Variants in ZNF18 observed in about 807,000 individuals in gnomAD.
ZNF18 encodes heart development-specific gene 1 protein.
ZNF18 carries 42 observed loss-of-function variants against 58.1 expected under a neutral mutation model. The ratio of observed to expected loss-of-function variants is 0.72; its 90% CI spans 0.56 to 0.93. The LOEUF (loss-of-function observed/expected upper bound fraction) is 0.93. Ranked by LOEUF, ZNF18 falls within the 40% of genes least tolerant of loss-of-function variation. The pLI is 0.00. For missense variants in ZNF18, 540 were observed against 644.2 expected, an observed-to-expected ratio of 0.84 and a Z score of 1.75; for synonymous variants, 231 against 239.8, an observed-to-expected ratio of 0.96 and a Z score of 0.34.
At chr17:11,984,912 A>C (rs1342501724) in intron 4 of ZNF18, among the ~76,000 whole-genome samples, 1 of 152,202 alleles carries the variant, frequency 6.6e-6, no homozygotes, top group Admixed American at 6.5e-5. Flanking sequence ...AATTAAAATC[A>C]GGAAATTCAA....
At chr17:12,010,805 A>T in the ZNF18 span, 1 of 395,178 alleles carries the variant, frequency 2.5e-6, no homozygotes, top group Non-Finnish European at 4.7e-6. Flanking sequence ...GTTCTCACGA[A>T]GTGTGCTTTT....
At chr17:12,006,384 C>T in the ZNF18 span, among the ~76,000 whole-genome samples, 202 of 152,150 alleles carry the variant, frequency 1.3e-3, 1 homozygote, top group Middle Eastern at 6.8e-3. Flanking sequence ...CTCAATTCTC[C>T]CATTAGTAAA....
chr17:12,000,244 A>G (rs1478790845), upstream of ZNF18, among the ~76,000 whole-genome samples: 1 of 152,154 alleles, frequency 6.6e-6, no homozygotes. Flanking sequence ...CCATGAAACA[A>G]TGAGTGACAA....
intron 4 of ZNF18, 113 bp downstream of exon 4, chr17:11,990,345 TGACA>T (rs1968026071): frequency 2.6e-6 from 2 of 777,014 alleles, no homozygotes; most frequent in African/African-American, 3.5e-5. Flanking sequence ...TAACATATGG[TGACA>T]GACAGCAGAT....
rs181062053 is a variant in ZNF18, at chr17:11,996,446, G to T, written c.-83+985C>A. Among the ~76,000 whole-genome samples the T allele has an allele frequency of 2.7e-3, 413 of 152,120 alleles. 1 individual carries two copies. The highest frequency in any genetic ancestry group is 0.017 in the Middle Eastern group (5 of 294). On this transcript the variant is annotated intron_variant, in intron 1 of 6. Transcript: ENST00000580306. The stretch of plus-strand genomic sequence containing the variant: ...GAAATGACATTTTGGAAAAACTACA[G>T]ATTTTATAAAATACTTAAATCTTTT...
At chr17:11,988,688 C>T (rs1967906176) in intron 4 of ZNF18, among the ~76,000 whole-genome samples, 1 of 152,130 alleles carries the variant, frequency 6.6e-6, no homozygotes, top group Admixed American at 6.6e-5. Flanking sequence ...AAAGAATAAT[C>T]CTCGACTAAA....
At chr17:12,020,869 G>T in the ZNF18 span, 1 of 1,089,292 alleles carries the variant, frequency 9.2e-7, no homozygotes, top group South Asian at 4.6e-5. Flanking sequence ...GGCGCCGCTC[G>T]GCTCTTCACT....
At position 11,977,991 on chromosome 17, in the gene ZNF18, T is replaced by C. The variant is rs1305241881; in HGVS notation, c.1616A>G (p.Gln539Arg). 1.9e-6 allele frequency: 3 copies of C among 1,590,996 alleles called. No homozygotes were observed. The highest frequency in any genetic ancestry group is 8.6e-7 in the Non-Finnish European group (1 of 1,169,060). ...FSWSSSLDKH[Q>R]RSHLGKKPFQ ...GGGCTTCTTTCCTAAGTGGGATCTTTGATGTTTGTCAAGGCTCGAGCTCCA... is the reference window on the plus strand; with the variant it reads ...GGGCTTCTTTCCTAAGTGGGATCTTCGATGTTTGTCAAGGCTCGAGCTCCA... The change falls in exon 7 of 7, where the codon CAA becomes CGA. Residue 539 changes from glutamine to arginine, a missense_variant. Gln to Arg is a conservative substitution (Grantham distance 43, BLOSUM62 1). Transcript: ENST00000580306.
In ZNF18 at chr17:11,992,947, A is replaced by G. The variant is rs1191790440; in HGVS notation, c.-82-36T>C. The stretch of plus-strand genomic sequence containing the variant: ...AATGAGATTGAGTGCTACACAGAGG[A>G]AGGGGACACATTTTCAGAAAGAACA... On this transcript the variant is annotated intron_variant, in intron 1 of 6. Transcript: ENST00000580306. 7.0e-5 allele frequency: 83 copies of G among 1,193,390 alleles called. No homozygotes were observed. In the East Asian group the frequency reaches 2.0e-3, roughly 29 times the overall value. The allele number at this position is 1,193,390 out of a possible 1,614,324, so 73.9% of individuals were successfully genotyped here.
chr17:12,009,324 G>A, the ZNF18 span: 1 of 151,960 alleles, frequency 6.6e-6, no homozygotes, highest in African/African-American at 2.4e-5. Context: ...GACAGCCTTG[G>A]GTTCAAGGCA....
At chr17:12,019,166 G>A in the ZNF18 span, among the ~76,000 whole-genome samples, 5 of 151,950 alleles carry the variant, frequency 3.3e-5, no homozygotes, top group South Asian at 2.1e-4. Context: ...GTTTCACCAC[G>A]TTGGCCAGGC....
At chr17:11,999,389 T>C (rs967171123), upstream of ZNF18, among the ~76,000 whole-genome samples, 1 of 152,222 alleles carries the variant, frequency 6.6e-6, no homozygotes, top group Non-Finnish European at 1.5e-5. Flanking sequence ...AGAACTCTAA[T>C]CCTGGTAGAT....
At chr17:11,998,721 G>C (rs1188403970), upstream of ZNF18, among the ~76,000 whole-genome samples, 2 of 151,896 alleles carry the variant, frequency 1.3e-5, no homozygotes, top group Admixed American at 6.6e-5. Context: ...AAAGTGACCA[G>C]CGGAAAAGGG....
chr17:12,002,935 A>G, the ZNF18 span, among the ~76,000 whole-genome samples: 1 of 152,184 alleles, frequency 6.6e-6, no homozygotes, highest in East Asian at 1.9e-4. Context: ...AGACCAGAAC[A>G]GAAACCACTC....
rs760156882 is a variant in ZNF18, at chr17:11,983,455, G to A, written c.752-48C>T. On this transcript the variant is annotated intron_variant, in intron 5 of 6. Coordinates refer to ENST00000580306, the MANE Select transcript of ZNF18 (RefSeq NM_001303281.2). Reference sequence around the variant, plus strand: ...TGGGCCTGGATGAATAGGGAAGACTGGGAGCTCAAGCTGTGTCTTTCAAAG... The same window carrying A: ...TGGGCCTGGATGAATAGGGAAGACTAGGAGCTCAAGCTGTGTCTTTCAAAG... 4.8e-6 allele frequency: 7 copies of A among 1,459,120 alleles called. No individual in the cohort carries two copies. The African/African-American group carries it at 7.0e-5, about 14-fold the overall frequency. 90.4% of individuals were successfully genotyped at this position (1,459,120 alleles called of 1,614,324 possible). A position where few individuals can be genotyped will look rare whatever the true frequency, so the allele number is the denominator to read the frequency against.
chr17:12,013,196 C>A, the ZNF18 span, among the ~76,000 whole-genome samples: 1 of 152,074 alleles, frequency 6.6e-6, no homozygotes, highest in East Asian at 1.9e-4. Context: ...GTGATCCACC[C>A]ACCTGCGCCT....
At chr17:12,017,366 A>G in the ZNF18 span, among the ~76,000 whole-genome samples, 1 of 152,204 alleles carries the variant, frequency 6.6e-6, no homozygotes, top group Admixed American at 6.5e-5. Flanking sequence ...CTGAAGAGGC[A>G]ACATCCGTCA....
intron 3 of ZNF18, 135 bp from the exon 4 acceptor site, chr17:11,990,685 G>C (rs995137529): frequency 1.3e-6 from 1 of 741,902 alleles, no homozygotes; most frequent in Non-Finnish European, 2.2e-6. Flanking sequence ...TTCAAGACTT[G>C]TGTTTATCTC....
At chr17:11,998,223 T>C (rs1229529551), upstream of ZNF18, 3 of 152,282 alleles carry the variant, frequency 2.0e-5, no homozygotes, top group Admixed American at 6.5e-5. Context: ...ACACCATTTG[T>C]AATGGTCAAG....
Sources: gnomAD v4.1 joint callset for allele counts (sites outside exome capture counted in the v4.1 genomes callset) on GRCh38, gnomAD v4.1.1 for gene constraint, MANE v1.5 for transcripts, NCBI Gene and HGNC (gene_info 2026-07-23, HGNC 2026-07-21) for gene names.